KLHL18: variants seen among roughly 807,000 people sequenced by gnomAD.
KLHL18 encodes the protein kelch like family member 18.
A neutral mutation model predicts 58.5 loss-of-function variants in KLHL18; 38 were observed. The ratio of observed to expected loss-of-function variants is 0.65; its 90% confidence interval spans 0.50 to 0.85. The LOEUF (loss-of-function observed/expected upper bound fraction) is 0.85, where lower values mean the gene tolerates loss of function less well. Among genes scored for constraint, KLHL18 ranks in the 40% least tolerant of loss-of-function variants. The pLI, the probability that KLHL18 is intolerant of heterozygous loss-of-function variation, is 0.00. For synonymous variants in KLHL18, 303 were observed against 301.9 expected (o/e 1.00, Z -0.04); for missense variants, 624 against 778.4 (o/e 0.80, Z 2.36).
chr3:47,325,712 G>A (rs546175841), intron 3 of KLHL18, among the ~76,000 whole-genome samples: 6 of 151,872 alleles, frequency 4.0e-5, no homozygotes, highest in South Asian at 4.2e-4. Context: ...CCCTATTTCC[G>A]GCCTTCAAAT....
intron 1 of KLHL18, among the ~76,000 whole-genome samples, chr3:47,310,087 T>C (rs1029198205): frequency 1.3e-5 from 2 of 152,190 alleles, no homozygotes; most frequent in African/African-American, 4.8e-5. Flanking sequence ...ATGTTTTCCA[T>C]CAAAGAGAAA....
intron 8 of KLHL18, among the ~76,000 whole-genome samples, chr3:47,341,413 G>A (rs915602317): frequency 6.6e-6 from 1 of 152,220 alleles, no homozygotes; most frequent in Non-Finnish European, 1.5e-5. Flanking sequence ...AGCATCCAAT[G>A]TGGTTGGGCC....
intron 1 of KLHL18, among the ~76,000 whole-genome samples, chr3:47,308,762 T>A (rs1703210441): frequency 6.6e-6 from 1 of 152,034 alleles, no homozygotes; most frequent in Non-Finnish European, 1.5e-5. Flanking sequence ...CCTCAGTGTC[T>A]ATTGTTGCCA....
intron 1 of KLHL18, among the ~76,000 whole-genome samples, chr3:47,290,700 G>A (rs949642235): frequency 6.6e-6 from 1 of 152,046 alleles, no homozygotes; most frequent in Non-Finnish European, 1.5e-5. Flanking sequence ...GGGCTCAAGC[G>A]ATCCTCCTGC....
intron 7 of KLHL18, among the ~76,000 whole-genome samples, chr3:47,339,452 A>G (rs550354643): frequency 1.3e-5 from 2 of 151,436 alleles, no homozygotes; most frequent in East Asian, 3.9e-4. Flanking sequence ...TCATTGTGCT[A>G]CTGCACTCCA....
rs1474065118 is a variant in KLHL18, at chr3:47,293,829, A to AG, written c.129+10741dup. 2.0e-5 allele frequency among the ~76,000 whole-genome samples: 3 copies of AG among 152,216 alleles called. No homozygotes were observed. In the East Asian group the frequency reaches 5.8e-4, roughly 29 times the overall value. On this transcript the variant is annotated intron_variant, in intron 1 of 9. Coordinates refer to ENST00000232766, the MANE Select transcript of KLHL18 (RefSeq NM_025010.5). ...GCCCATCTTTTGTTTCCTCTGTGTT[A>AG]GGGGGGCACACAATCCATCTAGTCG... is the stretch of plus-strand genomic sequence containing the variant.
At chr3:47,326,424 T>C (rs1703723760) in intron 3 of KLHL18, among the ~76,000 whole-genome samples, 1 of 152,150 alleles carries the variant, frequency 6.6e-6, no homozygotes, top group Non-Finnish European at 1.5e-5. Flanking sequence ...AGGAAGAAGG[T>C]TGTGATGTGG....
chr3:47,297,493 C>T (rs1702921354), intron 1 of KLHL18: 1 of 454,656 alleles, frequency 2.2e-6, no homozygotes, highest in South Asian at 1.6e-5. Context: ...GCACTGTTAC[C>T]CTGGGAGTCA....
At chr3:47,322,538 G>T (rs750366544) in intron 2 of KLHL18, 30 bp from the exon 3 acceptor site, 2 of 1,553,282 alleles carry the variant, frequency 1.3e-6, no homozygotes, top group Admixed American at 3.9e-5. Context: ...GTCTCTGAAA[G>T]CACCTCACAG....
chr3:47,301,635 C>T (rs369877105), intron 1 of KLHL18, among the ~76,000 whole-genome samples: 44 of 152,086 alleles, frequency 2.9e-4, no homozygotes, highest in Non-Finnish European at 1.9e-4. Context: ...TGTAGTTGAC[C>T]CTTGAACAAT....
At chr3:47,292,125 G>C (rs1412573512) in intron 1 of KLHL18, among the ~76,000 whole-genome samples, 1 of 152,166 alleles carries the variant, frequency 6.6e-6, no homozygotes, top group African/African-American at 2.4e-5. Context: ...CAAAATAGGT[G>C]AACTGTAGTT....
chr3:47,317,144 GTTC>G (rs1055167493), intron 1 of KLHL18, among the ~76,000 whole-genome samples: 1 of 152,090 alleles, frequency 6.6e-6, no homozygotes, highest in Non-Finnish European at 1.5e-5. Flanking sequence ...ATGGAATCTC[GTTC>G]TTCTTGCCCA....
chr3:47,342,075 G>T (rs1704122020), intron 8 of KLHL18, among the ~76,000 whole-genome samples: 1 of 152,066 alleles, frequency 6.6e-6, no homozygotes, highest in African/African-American at 2.4e-5. Context: ...GACAGAGTGA[G>T]ACCCTGTCTC....
At chr3:47,321,602 G>A (rs1217706850) in intron 2 of KLHL18, among the ~76,000 whole-genome samples, 9 of 152,016 alleles carry the variant, frequency 5.9e-5, no homozygotes, top group Non-Finnish European at 1.0e-4. Context: ...CGCCCGCCTC[G>A]GCCTCTTAAA....
At chr3:47,318,277 G>A (rs1001127883) in intron 1 of KLHL18, among the ~76,000 whole-genome samples, 2 of 152,222 alleles carry the variant, frequency 1.3e-5, no homozygotes, top group African/African-American at 4.8e-5. Context: ...TGAAGGCTTG[G>A]CTGGAGCTGG....
chr3:47,342,663 G>C lies in KLHL18; in HGVS notation c.1227-56G>C, dbSNP rs917719459. On this transcript the variant is annotated intron_variant, in intron 8 of 9. Transcript: ENST00000232766. ...CCTAAACCCTGCTAGGCTGTCTTGA[G>C]GGAACAAGAACCCTGAATCTCATGC... 2.1e-6 allele frequency: 3 copies of C among 1,458,184 alleles called. No homozygotes were observed. The African/African-American group carries it at 4.2e-5, about 20-fold the overall frequency. The allele number at this position is 1,458,184 out of a possible 1,614,324, so 90.3% of individuals were successfully genotyped here.
At chr3:47,305,936 A>G (rs1400601462) in intron 1 of KLHL18, among the ~76,000 whole-genome samples, 1 of 152,142 alleles carries the variant, frequency 6.6e-6, no homozygotes. Context: ...CTGTAGTATT[A>G]TCGACTGTTT....
intron 9 of KLHL18, 25 bp downstream of exon 9, chr3:47,342,855 A>G: frequency 6.7e-7 from 1 of 1,498,602 alleles, no homozygotes; most frequent in Non-Finnish European, 9.3e-7. Flanking sequence ...CCCCTGGGAT[A>G]AGGGTACCTA....
At chr3:47,322,763 T>G in intron 3 of KLHL18, 55 bp downstream of exon 3, 1 of 1,466,632 alleles carries the variant, frequency 6.8e-7, no homozygotes, top group Admixed American at 2.4e-5. Context: ...TTCTGGAATC[T>G]TCTGCCAGTT....
Sources: gnomAD v4.1 joint callset for allele counts (sites outside exome capture counted in the v4.1 genomes callset) on GRCh38, gnomAD v4.1.1 for gene constraint, MANE v1.5 for transcripts, NCBI Gene and HGNC (gene_info 2026-07-23, HGNC 2026-07-21) for gene names.